Variants in ANKRD33B observed in about 807,000 individuals in gnomAD.
The protein encoded by ANKRD33B is ankyrin repeat domain-containing protein 33B.
In ANKRD33B, 6 loss-of-function variants were observed where a neutral mutation model predicts 21.5. The observed-to-expected ratio is 0.28, with a 90% confidence interval of 0.15 to 0.55. The LOEUF is 0.55. Among genes scored for constraint, ANKRD33B ranks in the 20% least tolerant of loss-of-function variants. The pLI is 0.94. For synonymous variants in ANKRD33B, 347 were observed against 342.4 expected, an observed-to-expected ratio of 1.01 and a Z score of -0.15; for missense variants, 698 against 747.2, an observed-to-expected ratio of 0.93 and a Z score of 0.77.
At chr5:10,566,600 A>G (rs375120764) in intron 1 of ANKRD33B, among the ~76,000 whole-genome samples, 8 of 152,306 alleles carry the variant, frequency 5.3e-5, no homozygotes, top group South Asian at 2.1e-4. Context: ...GCTCAGCTTT[A>G]TATAATGTTT....
At chr5:10,586,027 G>A (rs1362776841) in intron 1 of ANKRD33B, among the ~76,000 whole-genome samples, 2 of 152,216 alleles carry the variant, frequency 1.3e-5, no homozygotes, top group Non-Finnish European at 2.9e-5. Flanking sequence ...AACATAGGCT[G>A]TGGTGAAGAC....
chr5:10,570,816 C>T (rs1735165941), intron 1 of ANKRD33B, among the ~76,000 whole-genome samples: 1 of 152,146 alleles, frequency 6.6e-6, no homozygotes, highest in South Asian at 2.1e-4. Flanking sequence ...GCCTCAGCCT[C>T]CCAAGGTGCT....
intron 1 of ANKRD33B, among the ~76,000 whole-genome samples, chr5:10,608,941 T>C (rs998372638): frequency 1.3e-5 from 2 of 152,190 alleles, no homozygotes; most frequent in Admixed American, 6.5e-5. Context: ...CTCTTTAAAT[T>C]TGGTGCCCCA....
At chr5:10,617,661 C>T (rs1485906611) in intron 1 of ANKRD33B, among the ~76,000 whole-genome samples, 1 of 152,150 alleles carries the variant, frequency 6.6e-6, no homozygotes, top group Admixed American at 6.5e-5. Context: ...TGGCTCAGGA[C>T]ACTCCCCCTA....
intron 1 of ANKRD33B, among the ~76,000 whole-genome samples, chr5:10,589,255 A>G (rs1232836682): frequency 6.6e-6 from 1 of 152,128 alleles, no homozygotes; most frequent in Non-Finnish European, 1.5e-5. Context: ...TCGAAGGAGC[A>G]GGTCCTGGAT....
In ANKRD33B at chr5:10,638,222, T is replaced by C. The variant is rs780872864; in HGVS notation, c.637+54T>C. On this transcript the variant is annotated intron_variant, in intron 3 of 3. Transcript: ENST00000296657. ...AGGGGCCCTGGGACACCAGAGTTGC[T>C]CCTTTATGGAATATGTTTTGAGATT... The C allele has an allele frequency of 2.4e-5, 36 of 1,512,338 alleles. No individual in the cohort carries two copies. The Middle Eastern group carries it at 5.1e-4, about 22-fold the overall frequency. The allele number at this position is 1,512,338 out of a possible 1,614,324, so 93.7% of individuals were successfully genotyped here.
intron 2 of ANKRD33B, among the ~76,000 whole-genome samples, chr5:10,631,983 T>G (rs1188147214): frequency 6.6e-6 from 1 of 152,170 alleles, no homozygotes; most frequent in Non-Finnish European, 1.5e-5. Flanking sequence ...TAGAACGGGC[T>G]GGTTTCTGTT....
intron 2 of ANKRD33B, among the ~76,000 whole-genome samples, chr5:10,636,775 G>T (rs948778199): frequency 4.6e-5 from 7 of 152,370 alleles, no homozygotes; most frequent in African/African-American, 1.7e-4. Context: ...AGCAGAGGGA[G>T]AGAGGAAGGA....
chr5:10,605,814 C>T (rs1253618276), intron 1 of ANKRD33B, among the ~76,000 whole-genome samples: 1 of 152,258 alleles, frequency 6.6e-6, no homozygotes, highest in East Asian at 1.9e-4. Context: ...CAGGCATGAG[C>T]CACCATGCCT....
chr5:10,588,990 A>G (rs1397064744), intron 1 of ANKRD33B, among the ~76,000 whole-genome samples: 4 of 152,240 alleles, frequency 2.6e-5, no homozygotes, highest in South Asian at 2.1e-4. Flanking sequence ...CTTGACTAAC[A>G]TATTTTGAGG....
At chr5:10,595,698 GA>G (rs1735803792) in intron 1 of ANKRD33B, among the ~76,000 whole-genome samples, 1 of 152,188 alleles carries the variant, frequency 6.6e-6, no homozygotes, top group South Asian at 2.1e-4. Context: ...ACCCTTAAGA[GA>G]CGAAATGAAT....
At chr5:10,601,062 C>T (rs1048562703) in intron 1 of ANKRD33B, among the ~76,000 whole-genome samples, 1 of 152,124 alleles carries the variant, frequency 6.6e-6, no homozygotes, top group African/African-American at 2.4e-5. Flanking sequence ...ATGAGTCAGA[C>T]AGACAGATGT....
intron 1 of ANKRD33B, among the ~76,000 whole-genome samples, chr5:10,611,848 C>T (rs115698611): frequency 2.1e-4 from 32 of 152,312 alleles, no homozygotes; most frequent in Non-Finnish European, 4.3e-4. Flanking sequence ...CTGGTTGAGA[C>T]TTGATTGGGA....
In ANKRD33B at chr5:10,619,756, C is replaced by T. The variant is rs553443248; in HGVS notation, c.496+1294C>T. Among the ~76,000 whole-genome samples the T allele has an allele frequency of 1.2e-4, 19 of 152,272 alleles. No homozygotes were observed. The highest frequency in any genetic ancestry group is 2.1e-4 in the Non-Finnish European group (14 of 68,026). On this transcript the variant is annotated intron_variant, in intron 2 of 3. Coordinates refer to ENST00000296657, the MANE Select transcript of ANKRD33B (RefSeq NM_001164440.2). This position sits in a 1 kb window ranked among gnomAD's most constrained non-coding sequence, Gnocchi z 4.5. ...AGGCATTCAGTGATTCGTTTCCTCT[C>T]GTGGGCCAGCTGCCATGTCAGGGAC...
chr5:10,611,575 CCACA>C (rs1188768278), intron 1 of ANKRD33B, among the ~76,000 whole-genome samples: 1 of 152,160 alleles, frequency 6.6e-6, no homozygotes, highest in Non-Finnish European at 1.5e-5. Context: ...GGTGCTGGGG[CCACA>C]CCCTGTAGGG....
At chr5:10,565,152 G>T (rs1162997730) in intron 1 of ANKRD33B, among the ~76,000 whole-genome samples, 3 of 152,210 alleles carry the variant, frequency 2.0e-5, no homozygotes, top group African/African-American at 4.8e-5. Context: ...CTGGCTGCCC[G>T]TGCTGCAATC....
intron 1 of ANKRD33B, among the ~76,000 whole-genome samples, chr5:10,577,095 T>G (rs912232817): frequency 6.7e-6 from 1 of 148,886 alleles, no homozygotes; most frequent in African/African-American, 2.6e-5. Context: ...TCCCTTTCCC[T>G]TCCCCTTCCC....
In ANKRD33B at chr5:10,618,329, C is replaced by A; in HGVS notation, c.367-4C>A. On this transcript the variant is annotated splice_polypyrimidine_tract_variant and splice_region_variant and intron_variant, in intron 1 of 3. Coordinates refer to ENST00000296657, the MANE Select transcript of ANKRD33B (RefSeq NM_001164440.2). Reference sequence around the variant, plus strand: ...TCTGACCCGCTTCCCCTCTTCATTTCTAGACCGGCCTTATTGTCGCCTGCT... The same window carrying A: ...TCTGACCCGCTTCCCCTCTTCATTTATAGACCGGCCTTATTGTCGCCTGCT... 2 of 1,536,996 alleles carry A rather than the reference C, an allele frequency of 1.3e-6. No homozygotes were observed. The highest frequency in any genetic ancestry group is 1.7e-6 in the Non-Finnish European group (2 of 1,147,000).
chr5:10,576,885 C>T lies in ANKRD33B; in HGVS notation c.366+12052C>T, dbSNP rs1198724813. Among the ~76,000 whole-genome samples, 4 of 152,192 alleles carry T rather than the reference C, an allele frequency of 2.6e-5. No individual in the cohort carries two copies. The highest frequency in any genetic ancestry group is 7.2e-5 in the African/African-American group (3 of 41,446). On this transcript the variant is annotated intron_variant, in intron 1 of 3. Transcript: ENST00000296657. The surrounding 1 kb of genome is among the most constrained non-coding windows in gnomAD (Gnocchi z 4.1). ...AAGAGAGCAGAGGAGGGTGCTGGGG[C>T]TTCTGGTGCATCCTGTGGGCACCTC...
Sources: allele counts gnomAD v4.1 joint callset (sites outside exome capture counted in the v4.1 genomes callset), GRCh38; gene constraint gnomAD v4.1.1; non-coding constraint Gnocchi (gnomAD v3.1); transcripts MANE v1.5; gene names NCBI Gene and HGNC (gene_info 2026-07-23, HGNC 2026-07-21).